CPQ: variants seen among roughly 807,000 people sequenced by gnomAD.
The protein encoded by CPQ is Ser-Met dipeptidase.
Under a neutral mutation model 45.7 loss-of-function variants are expected in CPQ, and 37 were observed. The ratio of observed to expected loss-of-function variants is 0.81; its 90% CI spans 0.62 to 1.07. The LOEUF (loss-of-function observed/expected upper bound fraction) is 1.07, where lower values mean the gene tolerates loss of function less well. CPQ is among the 50% of genes least tolerant of loss of function. The pLI is 0.00. For missense variants in CPQ, 537 were observed against 572.9 expected (o/e 0.94, Z 0.64); for synonymous variants, 186 against 205.8 (o/e 0.90, Z 0.82).
At chr8:96,870,880 A>T (rs997242720) in intron 3 of CPQ, among the ~76,000 whole-genome samples, 1 of 151,956 alleles carries the variant, frequency 6.6e-6, no homozygotes, top group Non-Finnish European at 1.5e-5. Context: ...ATCACTACAT[A>T]TTTGAATAAA....
At chr8:97,123,010 A>AAAATAAAATAAAATAAAAT (rs1563587026) in intron 7 of CPQ, among the ~76,000 whole-genome samples, 1 of 53,838 alleles carries the variant, frequency 1.9e-5, no homozygotes, top group African/African-American at 9.2e-5. Flanking sequence ...AATATAAAAT[A>AAAATAAAATAAAATAAAAT]AAATAAAATA....
chr8:96,990,912 T>C (rs1203949551), intron 5 of CPQ, among the ~76,000 whole-genome samples: 1 of 152,158 alleles, frequency 6.6e-6, no homozygotes, highest in Non-Finnish European at 1.5e-5. Context: ...GTGCAATCCA[T>C]AGATATGCTT....
chr8:96,647,881 A>G lies in CPQ; in HGVS notation c.-35+2479A>G, dbSNP rs898793476. 2.0e-5 allele frequency among the ~76,000 whole-genome samples: 3 copies of G among 152,222 alleles called. No individual in the cohort carries two copies. In the South Asian group the frequency reaches 6.2e-4, roughly 31 times the overall value. Reference sequence around the variant, plus strand: ...ATGAGTGACATCGACAGCTGCCATCAGTGAATGGCACTTAAGGGCTTTGAA... The same window carrying G: ...ATGAGTGACATCGACAGCTGCCATCGGTGAATGGCACTTAAGGGCTTTGAA... On this transcript the variant is annotated intron_variant, in intron 1 of 7. Coordinates refer to ENST00000220763, the MANE Select transcript of CPQ (RefSeq NM_016134.4).
intron 7 of CPQ, among the ~76,000 whole-genome samples, chr8:97,103,834 C>T (rs1343846996): frequency 6.6e-6 from 1 of 152,182 alleles, no homozygotes; most frequent in Admixed American, 6.5e-5. Context: ...GGTATCCTAG[C>T]TGTGGAAAAG....
At chr8:96,952,427 T>C (rs1813282276) in intron 4 of CPQ, among the ~76,000 whole-genome samples, 1 of 152,156 alleles carries the variant, frequency 6.6e-6, no homozygotes. Flanking sequence ...GGTTTCCTAA[T>C]GTCTGTAGCT....
At chr8:97,008,032 A>G (rs562244220) in intron 5 of CPQ, among the ~76,000 whole-genome samples, 5 of 152,190 alleles carry the variant, frequency 3.3e-5, no homozygotes, top group Non-Finnish European at 7.3e-5. Context: ...TACTGTACAG[A>G]GCCCTTGAAC....
At chr8:96,724,490 G>GACACACACACAC (rs146087978) in intron 1 of CPQ, among the ~76,000 whole-genome samples, 15 of 144,786 alleles carry the variant, frequency 1.0e-4, no homozygotes, top group African/African-American at 3.8e-4. Context: ...ATTTAGAGTA[G>GACACACACACAC]ACACACACAC....
chr8:96,878,531 G>A (rs1214898567), intron 3 of CPQ, among the ~76,000 whole-genome samples: 1 of 152,036 alleles, frequency 6.6e-6, no homozygotes, highest in Non-Finnish European at 1.5e-5. Flanking sequence ...ACTTGCCCTG[G>A]GCCAGTTAGC....
At chr8:96,710,095 A>C (rs1255419753) in intron 1 of CPQ, among the ~76,000 whole-genome samples, 2 of 151,938 alleles carry the variant, frequency 1.3e-5, no homozygotes, top group Non-Finnish European at 2.9e-5. Context: ...CAGGGTTTCT[A>C]TTTCTTACTT....
intron 4 of CPQ, among the ~76,000 whole-genome samples, chr8:96,961,981 G>A (rs2130355800): frequency 6.6e-6 from 1 of 152,206 alleles, no homozygotes; most frequent in South Asian, 2.1e-4. Flanking sequence ...GTAACAGAGG[G>A]GCTTGTCCTC....
chr8:97,038,970 A>G (rs1362593290), intron 6 of CPQ, among the ~76,000 whole-genome samples: 1 of 152,122 alleles, frequency 6.6e-6, no homozygotes, highest in Non-Finnish European at 1.5e-5. Flanking sequence ...AGTGAAAGAG[A>G]TTTGTAGCAC....
chr8:97,042,251 A>C (rs1393210911), intron 6 of CPQ, among the ~76,000 whole-genome samples: 1 of 152,010 alleles, frequency 6.6e-6, no homozygotes. Context: ...CATTTCTTCT[A>C]GATTTTCTAG....
chr8:96,931,245 G>A (rs561209959), intron 4 of CPQ, among the ~76,000 whole-genome samples: 7 of 152,122 alleles, frequency 4.6e-5, no homozygotes, highest in Non-Finnish European at 8.8e-5. Flanking sequence ...AGGTAAAATC[G>A]TTTTGTTTTC....
At chr8:96,842,719 C>A (rs1382301490) in intron 3 of CPQ, among the ~76,000 whole-genome samples, 1 of 152,166 alleles carries the variant, frequency 6.6e-6, no homozygotes, top group African/African-American at 2.4e-5. Flanking sequence ...AGGCATGCTT[C>A]CTCATAATGG....
intron 2 of CPQ, among the ~76,000 whole-genome samples, chr8:96,810,959 G>C (rs574441410): frequency 1.3e-5 from 2 of 152,170 alleles, no homozygotes; most frequent in African/African-American, 4.8e-5. Context: ...TAGACATCTA[G>C]AGAAATGTTA....
Position 96,821,938 on chromosome 8 carries a change from C to G in CPQ, c.434-13035C>G, listed in dbSNP as rs190989305. Among the ~76,000 whole-genome samples the G allele has an allele frequency of 1.3e-3, 201 of 152,078 alleles. 1 individual carries two copies. The highest frequency in any genetic ancestry group is 2.4e-3 in the Non-Finnish European group (160 of 67,924). On this transcript the variant is annotated intron_variant, in intron 2 of 7. Transcript: ENST00000220763. ...GGTGATAACACTTAGAATCTATCCT[C>G]TTAGCAATTTTCAAGTATACAATCT... is the stretch of plus-strand genomic sequence containing the variant.
At chr8:97,091,876 A>G (rs1388784667) in intron 7 of CPQ, among the ~76,000 whole-genome samples, 1 of 151,874 alleles carries the variant, frequency 6.6e-6, no homozygotes, top group Non-Finnish European at 1.5e-5. Context: ...GGATGGATGG[A>G]TGGATGGCAG....
At chr8:96,692,730 A>G (rs568004807) in intron 1 of CPQ, among the ~76,000 whole-genome samples, 2 of 152,330 alleles carry the variant, frequency 1.3e-5, no homozygotes, top group South Asian at 4.1e-4. Context: ...AAGGACAGGT[A>G]CAAATAAGTC....
intron 1 of CPQ, 59 bp from the exon 2 acceptor site, chr8:96,784,805 A>G (rs1315268781): frequency 3.2e-6 from 4 of 1,260,850 alleles, no homozygotes; most frequent in East Asian, 4.8e-5. Flanking sequence ...TCCCTGGGTT[A>G]TGGGCAGATA....
Sources: gnomAD v4.1 joint callset for allele counts (sites outside exome capture counted in the v4.1 genomes callset) on GRCh38, gnomAD v4.1.1 for gene constraint, MANE v1.5 for transcripts, NCBI Gene and HGNC (gene_info 2026-07-23, HGNC 2026-07-21) for gene names.